Variants in F2R observed in about 807,000 individuals in gnomAD.
F2R encodes proteinase-activated receptor 1.
A neutral mutation model predicts 18.3 loss-of-function variants in F2R; 12 were observed. The ratio of observed to expected loss-of-function variants is 0.66; its 90% CI spans 0.42 to 1.06. The LOEUF (loss-of-function observed/expected upper bound fraction) is 1.06. Ranked by LOEUF, F2R falls within the 50% of genes least tolerant of loss-of-function variation. The pLI is 0.00. For missense variants in F2R, 438 were observed against 530.8 expected, an observed-to-expected ratio of 0.83 and a Z score of 1.72; for synonymous variants, 210 against 219.9, an observed-to-expected ratio of 0.95 and a Z score of 0.40.
At chr5:76,725,240 A>C (rs1267640082) in intron 1 of F2R, among the ~76,000 whole-genome samples, 3 of 152,210 alleles carry the variant, frequency 2.0e-5, no homozygotes, top group Non-Finnish European at 2.9e-5. Context: ...TGCCTAACTC[A>C]CTAATTTTTA....
chr5:76,722,026 T>C (rs745941146), intron 1 of F2R, among the ~76,000 whole-genome samples: 28 of 152,238 alleles, frequency 1.8e-4, no homozygotes, highest in Non-Finnish European at 3.8e-4. Flanking sequence ...TATTAGCTTT[T>C]CAGGAAGAGT....
chr5:76,731,378 G>A (rs2227796), intron 1 of F2R, among the ~76,000 whole-genome samples: 1,612 of 152,050 alleles, frequency 0.011, 23 homozygotes, highest in African/African-American at 0.036. Flanking sequence ...CGAGGCTGAG[G>A]CAGGAGAATT....
intron 1 of F2R, among the ~76,000 whole-genome samples, chr5:76,732,023 C>T (rs1274378524): frequency 6.6e-6 from 1 of 152,166 alleles, no homozygotes; most frequent in Non-Finnish European, 1.5e-5. Context: ...ATGTCAAGTA[C>T]TCAGCCTTTC....
At chr5:76,724,174 C>T (rs1748516353) in intron 1 of F2R, among the ~76,000 whole-genome samples, 1 of 152,114 alleles carries the variant, frequency 6.6e-6, no homozygotes, top group South Asian at 2.1e-4. Context: ...CTCAAGCAAT[C>T]CTCCTGCCTC....
In F2R at chr5:76,732,770, T is replaced by C. The variant is rs746510136; in HGVS notation, c.545T>C (p.Phe182Ser). 1 of 1,614,176 alleles carries C rather than the reference T, an allele frequency of 6.2e-7. No homozygotes were observed. The highest frequency in any genetic ancestry group is 8.5e-7 in the Non-Finnish European group (1 of 1,180,050). Residue 182 changes from phenylalanine to serine, a missense_variant, in exon 2 of 2, where the codon TTT becomes TCT. Phe to Ser is a radical substitution (Grantham distance 155). Coordinates refer to ENST00000319211, the MANE Select transcript of F2R (RefSeq NM_001992.5). The stretch of plus-strand genomic sequence containing the variant: ...TTGTGTCGCTTCGTCACTGCAGCAT[T>C]TTACTGTAACATGTACGCCTCTATC... ...SELCRFVTAA[F>S]YCNMYASILL...
In F2R at chr5:76,733,526, A is replaced by G. The variant is rs1204949625; in HGVS notation, c.*23A>G. 6.4e-7 allele frequency: 1 copy of G among 1,561,340 alleles called. No individual in the cohort carries two copies. Among genetic ancestry groups the G allele is most frequent in the Non-Finnish European group, 8.7e-7 (1 of 1,155,766 alleles). On this transcript the variant is annotated 3_prime_UTR_variant, in exon 2 of 2. Transcript: ENST00000319211. Reference sequence around the variant, plus strand: ...TAGGAAAAGGGACTGCTGGGAGGTTAAAAAGAAAAGTTTATAAAAGTGAAT... The same window carrying G: ...TAGGAAAAGGGACTGCTGGGAGGTTGAAAAGAAAAGTTTATAAAAGTGAAT...
chr5:76,728,367 C>T (rs1440475158), intron 1 of F2R, among the ~76,000 whole-genome samples: 2 of 152,186 alleles, frequency 1.3e-5, no homozygotes, highest in Non-Finnish European at 2.9e-5. Flanking sequence ...CAACCCCAGC[C>T]TCTACTAACC....
chr5:76,725,532 C>A (rs1254329476), intron 1 of F2R, among the ~76,000 whole-genome samples: 5 of 152,134 alleles, frequency 3.3e-5, no homozygotes, highest in Admixed American at 6.6e-5. Flanking sequence ...TACTTAAACT[C>A]AAATTTCAGC....
chr5:76,722,681 G>A (rs1226144427), intron 1 of F2R, among the ~76,000 whole-genome samples: 2 of 152,186 alleles, frequency 1.3e-5, no homozygotes, highest in African/African-American at 2.4e-5. Flanking sequence ...GGTTGGGCAC[G>A]GTGGCTCATG....
intron 1 of F2R, among the ~76,000 whole-genome samples, chr5:76,720,290 AAGT>A (rs1748423682): frequency 1.3e-5 from 2 of 151,944 alleles, no homozygotes. Flanking sequence ...AATAATTAAA[AAGT>A]AGCCAGGCAC....
chr5:76,731,474 A>AG (rs1488207424), intron 1 of F2R, among the ~76,000 whole-genome samples: 4 of 151,772 alleles, frequency 2.6e-5, no homozygotes, highest in Admixed American at 6.6e-5. Context: ...ACTGTGTCTC[A>AG]GAAAAAAAAA....
chr5:76,716,372 C>A lies in F2R; in HGVS notation c.65C>A (p.Ala22Asp), dbSNP rs867629954. ...AGTCTGTGCGGCCCGCTGTTGTCTG[C>A]CCGCACCCGGGCCCGCAGGCCAGGT... ...CFSLCGPLLS[A>D]RTRARRPESK... The change falls in exon 1 of 2, where the codon GCC becomes GAC. Residue 22 changes from alanine (A) to aspartate (D), a missense_variant. By Grantham distance (126) the Ala-to-Asp change is moderately radical (BLOSUM62 -2). Transcript: ENST00000319211. The A allele has an allele frequency of 1.4e-6, 2 of 1,457,938 alleles. No individual in the cohort carries two copies. Among genetic ancestry groups the A allele is most frequent in the African/African-American group, 2.9e-5 (2 of 68,740 alleles). 90.3% of individuals were successfully genotyped at this position (1,457,938 alleles called of 1,614,324 possible).
chr5:76,717,010 G>A (rs1279350244), intron 1 of F2R, among the ~76,000 whole-genome samples: 4 of 152,126 alleles, frequency 2.6e-5, no homozygotes, highest in Admixed American at 2.6e-4. Flanking sequence ...GGCGGGGGAG[G>A]GGACATGGAG....
intron 1 of F2R, among the ~76,000 whole-genome samples, chr5:76,726,911 C>T (rs1193574533): frequency 6.6e-6 from 1 of 152,208 alleles, no homozygotes; most frequent in Non-Finnish European, 1.5e-5. Context: ...CAAGGTCAGG[C>T]TTCTGTGTGA....
At chr5:76,720,176 G>A (rs1177250970) in intron 1 of F2R, among the ~76,000 whole-genome samples, 5 of 152,144 alleles carry the variant, frequency 3.3e-5, no homozygotes, top group Non-Finnish European at 7.3e-5. Context: ...GGGTCTGGGT[G>A]CAGTGGCTCA....
intron 1 of F2R, among the ~76,000 whole-genome samples, chr5:76,725,308 A>G (rs1157897479): frequency 1.3e-5 from 2 of 152,214 alleles, no homozygotes; most frequent in African/African-American, 2.4e-5. Context: ...GCTGTATTCG[A>G]TAACAAAACT....
chr5:76,718,417 T>A (rs1056055648), intron 1 of F2R, among the ~76,000 whole-genome samples: 1 of 152,328 alleles, frequency 6.6e-6, no homozygotes, highest in Non-Finnish European at 1.5e-5. Flanking sequence ...CAACAGTGCC[T>A]CCCATCCTTG....
chr5:76,725,387 G>A (rs1470182496), intron 1 of F2R, among the ~76,000 whole-genome samples: 2 of 152,044 alleles, frequency 1.3e-5, no homozygotes, highest in Admixed American at 6.6e-5. Context: ...CTGAATTCAG[G>A]ACCTCTGCTG....
In F2R at chr5:76,733,204, G is replaced by A; in HGVS notation, c.979G>A (p.Gly327Arg). ...TTTCTGCATCTTCATCATTTGCTTC[G>A]GACCCACAAACGTCCTCCTGATTGC... ...AVFCIFIICF[G>R]PTNVLLIAHY... The change falls in exon 2 of 2, where the codon GGA (glycine) becomes AGA (arginine). Residue 327 changes from glycine to arginine, a missense_variant. By Grantham distance (125) the Gly-to-Arg change is moderately radical (BLOSUM62 -2). Transcript: ENST00000319211. 1.2e-6 allele frequency: 2 copies of A among 1,613,996 alleles called. No individual in the cohort carries two copies. Among genetic ancestry groups the A allele is most frequent in the East Asian group, 2.2e-5 (1 of 44,876 alleles).
Sources: gnomAD v4.1 joint callset for allele counts (sites outside exome capture counted in the v4.1 genomes callset) on GRCh38, gnomAD v4.1.1 for gene constraint, MANE v1.5 for transcripts, NCBI Gene and HGNC (gene_info 2026-07-23, HGNC 2026-07-21) for gene names.